The following PODXL variants were observed in gnomAD, a reference collection of about 807,000 sequenced individuals.
PODXL encodes podocalyxin like.
In PODXL, 20 loss-of-function variants were observed where a neutral mutation model predicts 48.9. The observed-to-expected ratio is 0.41, with a 90% CI of 0.29 to 0.59. The LOEUF is 0.59. Ranked by LOEUF, PODXL falls within the 20% of genes least tolerant of loss-of-function variation. PODXL has a pLI of 0.31. For missense variants in PODXL, 606 were observed against 675.1 expected, an observed-to-expected ratio of 0.90 and a Z score of 1.13; for synonymous variants, 295 against 287.4, an observed-to-expected ratio of 1.03 and a Z score of -0.27.
chr7:131,516,278 C>T (rs1047893112), intron 1 of PODXL, among the ~76,000 whole-genome samples: 3 of 152,340 alleles, frequency 2.0e-5, no homozygotes, highest in Non-Finnish European at 2.9e-5. Context: ...CGGTGGCTCA[C>T]GCCTGTAATC....
intron 1 of PODXL, among the ~76,000 whole-genome samples, chr7:131,554,389 A>G (rs1798712544): frequency 6.6e-6 from 1 of 152,282 alleles, no homozygotes; most frequent in Non-Finnish European, 1.5e-5. Flanking sequence ...AGTGCTGCAT[A>G]CTATAATGCA....
At chr7:131,546,894 A>C (rs1798586373) in intron 1 of PODXL, among the ~76,000 whole-genome samples, 1 of 152,064 alleles carries the variant, frequency 6.6e-6, no homozygotes, top group Non-Finnish European at 1.5e-5. Context: ...TTCATCTAAA[A>C]CTGCGGTCTC....
chr7:131,535,733 G>C (rs117871875), intron 1 of PODXL, among the ~76,000 whole-genome samples: 2,045 of 152,242 alleles, frequency 0.013, 20 homozygotes, highest in Middle Eastern at 0.048. Flanking sequence ...GACCACTGAT[G>C]TCTAAGATCC....
rs141737704 is a variant in PODXL, at chr7:131,504,440, C to T, written c.1548G>A (p.Met516Ile). Residue 516 changes from methionine to isoleucine, a missense_variant, in exon 9 of 9, where the codon ATG (methionine) becomes ATA (isoleucine). Physicochemically the swap from Met to Ile is conservative, Grantham distance 10. Coordinates refer to ENST00000378555, the MANE Select transcript of PODXL (RefSeq NM_001018111.3). ...TCTCCTGCATCTCAGAAGAGGTCTC[C>T]ATCACTTCCAGTGTTGGGTTGTCAT... ...GYHDNPTLEV[M>I]ETSSEMQEKK... The T allele has an allele frequency of 3.7e-5, 60 of 1,614,046 alleles. No individual in the cohort carries two copies. The African/African-American group carries it at 7.2e-4, about 19-fold the overall frequency.
rs1313866939 is a variant in PODXL at position 131,511,197 on chromosome 7, A to G, written c.337T>C (p.Ser113Pro). The part of the protein sequence containing the change: ...VNTTVARGGG[S>P]GNPTTTIESP... ...TCGATGGTGGTAGTAGGGTTGCCTG[A>G]GCCGCCTCCTCTAGCCACGGTAGTG... The change falls in exon 2 of 9, where the codon TCA (serine) becomes CCA (proline). Residue 113 changes from serine to proline, a missense_variant. By Grantham distance (74) the Ser-to-Pro change is moderately conservative. Coordinates refer to ENST00000378555, the MANE Select transcript of PODXL (RefSeq NM_001018111.3). 6.2e-7 allele frequency: 1 copy of G among 1,613,538 alleles called. No homozygotes were observed. Among genetic ancestry groups the G allele is most frequent in the South Asian group, 1.1e-5 (1 of 91,002 alleles).
At chr7:131,522,176 C>T (rs559508430) in intron 1 of PODXL, among the ~76,000 whole-genome samples, 25 of 152,276 alleles carry the variant, frequency 1.6e-4, no homozygotes, top group Admixed American at 1.0e-3. Context: ...AGCAGCAGGG[C>T]GCAGTGGCTC....
Position 131,503,691 on chromosome 7 carries a change from A to G in PODXL, c.*620T>C, listed in dbSNP as rs1797750023. ...CAGGACAGAGTAAGTGGGAACAAAC[A>G]CTGAGTGTAGGGAGGGGTAAGAACA... On this transcript the variant is annotated 3_prime_UTR_variant, in exon 9 of 9. Transcript: ENST00000378555. 1 of 153,896 alleles carries G rather than the reference A, an allele frequency of 6.5e-6. No homozygotes were observed. The highest frequency in any genetic ancestry group is 2.4e-5 in the African/African-American group (1 of 41,450). The allele number at this position is 153,896 out of a possible 1,614,324, so 9.5% of individuals were successfully genotyped here.
At chr7:131,522,760 G>A (rs186853485) in intron 1 of PODXL, among the ~76,000 whole-genome samples, 10 of 152,310 alleles carry the variant, frequency 6.6e-5, no homozygotes, top group African/African-American at 1.9e-4. Flanking sequence ...CATACACTAC[G>A]TGGTCTTCTG....
chr7:131,547,549 G>T (rs936996504), intron 1 of PODXL, among the ~76,000 whole-genome samples: 1 of 152,112 alleles, frequency 6.6e-6, no homozygotes, highest in African/African-American at 2.4e-5. Flanking sequence ...AACAAGTGTC[G>T]AAGCTGTGGC....
intron 1 of PODXL, among the ~76,000 whole-genome samples, chr7:131,539,761 G>T (rs771192212): frequency 9.9e-5 from 15 of 152,212 alleles, no homozygotes; most frequent in Non-Finnish European, 1.8e-4. Flanking sequence ...AGGAACGTCC[G>T]TGCCCAGTCT....
chr7:131,519,641 G>T (rs372192043), intron 1 of PODXL, among the ~76,000 whole-genome samples: 1 of 151,944 alleles, frequency 6.6e-6, no homozygotes, highest in Non-Finnish European at 1.5e-5. Flanking sequence ...ACAATGTGAG[G>T]TACAAAAATA....
In PODXL at chr7:131,500,407, C is replaced by T. The variant is rs1301753159; in HGVS notation, c.*3904G>A. On this transcript the variant is annotated 3_prime_UTR_variant, in exon 9 of 9. Transcript: ENST00000378555. The stretch of plus-strand genomic sequence containing the variant: ...CCAGTGTACTTCAGACCCCTGTCCA[C>T]TAAGACATATATGATCCCCCAGTTC... 3 of 152,678 alleles carry T rather than the reference C, an allele frequency of 2.0e-5. No individual in the cohort carries two copies. Among genetic ancestry groups the T allele is most frequent in the Non-Finnish European group, 4.4e-5 (3 of 68,052 alleles). The allele number at this position is 152,678 out of a possible 1,614,324, so 9.5% of individuals were successfully genotyped here.
chr7:131,517,748 C>CT (rs71529710), intron 1 of PODXL, among the ~76,000 whole-genome samples: 1,593 of 146,886 alleles, frequency 0.011, 16 homozygotes, highest in African/African-American at 0.027. Context: ...TTGCGTAACT[C>CT]TTTTTTTTTT....
chr7:131,526,913 A>G (rs1257630723), intron 1 of PODXL, among the ~76,000 whole-genome samples: 3 of 151,610 alleles, frequency 2.0e-5, no homozygotes, highest in South Asian at 4.2e-4. Context: ...TAATTTTTGT[A>G]TTTTTAGTAG....
At chr7:131,533,433 G>C (rs565016955) in intron 1 of PODXL, among the ~76,000 whole-genome samples, 1 of 152,328 alleles carries the variant, frequency 6.6e-6, no homozygotes, top group South Asian at 2.1e-4. Flanking sequence ...TTATCAGCTT[G>C]TTTCAGCTGG....
chr7:131,534,715 T>C (rs1369168710), intron 1 of PODXL, among the ~76,000 whole-genome samples: 1 of 152,198 alleles, frequency 6.6e-6, no homozygotes, highest in African/African-American at 2.4e-5. Context: ...AGTGAGACTC[T>C]GGAGGAAGAA....
chr7:131,504,316 GGT>G lies in PODXL; in HGVS notation c.1670_1671del (p.His557ProfsTer56). ...GAGGCCACCGGCAGACCGGACTAGA[GGT>G]GTGTGTCTTCCTCCTCATCCAGGTC... ...KDDLDEEEDT[H>X]L On this transcript the variant is annotated frameshift_variant, in exon 9 of 9. Coordinates refer to ENST00000378555, the MANE Select transcript of PODXL (RefSeq NM_001018111.3). LOFTEE classifies it high-confidence loss of function. 2 of 1,613,964 alleles carry G rather than the reference GGT, an allele frequency of 1.2e-6. No individual in the cohort carries two copies. The highest frequency in any genetic ancestry group is 1.7e-6 in the Non-Finnish European group (2 of 1,179,862).
intron 4 of PODXL, 133 bp from the exon 5 acceptor site, chr7:131,509,161 G>T: frequency 1.1e-6 from 1 of 902,622 alleles, no homozygotes; most frequent in Non-Finnish European, 1.8e-6. Flanking sequence ...CCATTCCAGA[G>T]CCAGGTATGT....
At chr7:131,516,253 A>C (rs1797993745) in intron 1 of PODXL, among the ~76,000 whole-genome samples, 1 of 152,212 alleles carries the variant, frequency 6.6e-6, no homozygotes, top group Admixed American at 6.5e-5. Context: ...AAGAAATGAA[A>C]GTCTTGGCTG....
Sources: allele counts gnomAD v4.1 joint callset (sites outside exome capture counted in the v4.1 genomes callset), GRCh38; gene constraint gnomAD v4.1.1; transcripts MANE v1.5; gene names NCBI Gene and HGNC (gene_info 2026-07-23, HGNC 2026-07-21).